PDE8B: variants seen among roughly 807,000 people sequenced by gnomAD.
PDE8B encodes the protein phosphodiesterase 8B.
PDE8B carries 26 observed loss-of-function variants against 101.3 expected under a neutral mutation model. That is an observed-to-expected ratio of 0.26 (90% CI 0.19 to 0.36). The LOEUF (loss-of-function observed/expected upper bound fraction) is 0.36. PDE8B is among the 10% of genes least tolerant of loss of function. PDE8B has a pLI of 1.00. For missense variants in PDE8B, 810 were observed against 1,163.1 expected (o/e 0.70, Z 4.42); for synonymous variants, 424 against 429.3 (o/e 0.99, Z 0.15).
intron 2 of PDE8B, among the ~76,000 whole-genome samples, chr5:77,323,619 A>C (rs985454207): frequency 7.9e-5 from 12 of 152,158 alleles, no homozygotes; most frequent in Non-Finnish European, 1.6e-4. Flanking sequence ...GAGTTTCATT[A>C]TATTATTGTT....
At chr5:77,137,632 C>T in the PDE8B span, among the ~76,000 whole-genome samples, 1 of 152,072 alleles carries the variant, frequency 6.6e-6, no homozygotes, top group Admixed American at 6.5e-5. Context: ...AGCAAGTGGC[C>T]CTCTGTGTAC....
intron 21 of PDE8B, 36 bp downstream of exon 21, chr5:77,425,932 T>C (rs778773415): frequency 3.1e-6 from 5 of 1,593,094 alleles, no homozygotes; most frequent in African/African-American, 2.7e-5. Flanking sequence ...CAAAGAAAAT[T>C]GTTATACTTT....
intron 1 of PDE8B, among the ~76,000 whole-genome samples, chr5:77,289,528 A>G (rs1017093657): frequency 6.6e-6 from 1 of 152,212 alleles, no homozygotes; most frequent in African/African-American, 2.4e-5. Context: ...GGAGGAAAGA[A>G]TGGGGCAGGT....
chr5:77,412,079 C>T (rs768522382), intron 15 of PDE8B, 21 bp from the exon 16 acceptor site: 1 of 1,613,746 alleles, frequency 6.2e-7, no homozygotes, highest in African/African-American at 1.3e-5. Context: ...CCAGCCTCCC[C>T]CATCCCATCT....
At chr5:77,180,539 G>C in the PDE8B span, 1 of 962,916 alleles carries the variant, frequency 1.0e-6, no homozygotes, top group Non-Finnish European at 1.2e-6. Context: ...CCTCACACCT[G>C]GGTACCCGGC....
chr5:77,425,517 T>C (rs1022406551), intron 20 of PDE8B, among the ~76,000 whole-genome samples: 1 of 152,080 alleles, frequency 6.6e-6, no homozygotes, highest in East Asian at 1.9e-4. Flanking sequence ...TGCACCACTG[T>C]ACTACAGCTT....
chr5:77,097,697 A>ATATATCTATATATATATATATC, the PDE8B span, among the ~76,000 whole-genome samples: 12 of 23,364 alleles, frequency 5.1e-4, no homozygotes, highest in African/African-American at 1.5e-3. Flanking sequence ...ATATATCTAT[A>ATATATCTATATATATATATATC]TATATATATC....
intron 20 of PDE8B, 40 bp from the exon 21 acceptor site, chr5:77,425,727 C>G: frequency 1.2e-6 from 2 of 1,606,102 alleles, no homozygotes; most frequent in African/African-American, 1.3e-5. Flanking sequence ...GAAAGTGTCT[C>G]GCATGTCCTC....
chr5:77,353,689 A>G (rs919141660), intron 10 of PDE8B, among the ~76,000 whole-genome samples: 2 of 152,198 alleles, frequency 1.3e-5, no homozygotes, highest in Admixed American at 1.3e-4. Flanking sequence ...CCAAATAAAA[A>G]ATGTTCTATT....
chr5:77,333,219 T>C (rs1481575592), intron 5 of PDE8B, among the ~76,000 whole-genome samples: 16 of 152,194 alleles, frequency 1.1e-4, no homozygotes. Context: ...AGGTTGGCAT[T>C]TGGTTCTGAA....
intron 1 of PDE8B, among the ~76,000 whole-genome samples, chr5:77,271,295 C>A (rs549592965): frequency 6.6e-6 from 1 of 152,348 alleles, no homozygotes; most frequent in South Asian, 2.1e-4. Flanking sequence ...TCCTTGACCA[C>A]CTCCAGCTGA....
chr5:77,143,205 T>C, the PDE8B span, among the ~76,000 whole-genome samples: 1 of 152,182 alleles, frequency 6.6e-6, no homozygotes, highest in Non-Finnish European at 1.5e-5. Flanking sequence ...TCATCTTGCG[T>C]CTTCTATTCT....
Position 77,211,536 on chromosome 5 carries a change from G to T in PDE8B, c.339+272G>T, listed in dbSNP as rs1043457728. ...AGCGCAGAAGGAAGCAGGTGGGCTG[G>T]CCTGTTCCTCCTTGAGGGCAGGAAG... On this transcript the variant is annotated intron_variant, in intron 1 of 21. Coordinates refer to ENST00000264917, the MANE Select transcript of PDE8B (RefSeq NM_003719.5). This position sits in a 1 kb window ranked among gnomAD's most constrained non-coding sequence, Gnocchi z 4.1. 6.6e-6 allele frequency among the ~76,000 whole-genome samples: 1 copy of T among 152,260 alleles called. No homozygotes were observed. Among genetic ancestry groups the T allele is most frequent in the Non-Finnish European group, 1.5e-5 (1 of 68,052 alleles).
chr5:77,172,445 G>A, the PDE8B span, among the ~76,000 whole-genome samples: 1 of 152,228 alleles, frequency 6.6e-6, no homozygotes, highest in African/African-American at 2.4e-5. Flanking sequence ...TGTTAATTCT[G>A]CTTCTAGTAA....
At chr5:77,401,211 T>C (rs944487496) in intron 11 of PDE8B, among the ~76,000 whole-genome samples, 16 of 152,178 alleles carry the variant, frequency 1.1e-4, no homozygotes, top group Non-Finnish European at 1.0e-4. Context: ...TTTCTAGACA[T>C]GAACAGGCTG....
intron 1 of PDE8B, among the ~76,000 whole-genome samples, chr5:77,273,749 G>C (rs1238295549): frequency 6.6e-6 from 1 of 151,926 alleles, no homozygotes; most frequent in Non-Finnish European, 1.5e-5. Context: ...AATAAAGTTT[G>C]ATTTTTATTA....
intron 10 of PDE8B, among the ~76,000 whole-genome samples, chr5:77,362,522 C>T (rs1053888010): frequency 2.0e-5 from 3 of 152,128 alleles, no homozygotes; most frequent in African/African-American, 4.8e-5. Context: ...AACTTATGTT[C>T]GGCTATCTTT....
At chr5:77,342,961 G>A (rs1238500129) in intron 6 of PDE8B, among the ~76,000 whole-genome samples, 1 of 152,196 alleles carries the variant, frequency 6.6e-6, no homozygotes, top group East Asian at 1.9e-4. Flanking sequence ...TTTGGGCCCA[G>A]TTAAGTTCTC....
chr5:77,378,009 T>TCTACACAC (rs1213489921), intron 10 of PDE8B, among the ~76,000 whole-genome samples: 2 of 134,392 alleles, frequency 1.5e-5, no homozygotes, highest in Admixed American at 1.5e-4. Flanking sequence ...CCTCTCTCTC[T>TCTACACAC]ACACACACAC....
Sources: gnomAD v4.1 joint callset for allele counts (sites outside exome capture counted in the v4.1 genomes callset) on GRCh38, gnomAD v4.1.1 for gene constraint, Gnocchi (gnomAD v3.1) non-coding constraint, MANE v1.5 for transcripts, NCBI Gene and HGNC (gene_info 2026-07-23, HGNC 2026-07-21) for gene names.